JARID2: variants seen among roughly 807,000 people sequenced by gnomAD.
The protein encoded by JARID2 is jumonji and AT-rich interaction domain containing 2.
Under a neutral mutation model 125.6 loss-of-function variants are expected in JARID2, and 21 were observed. The ratio of observed to expected loss-of-function variants is 0.17; its 90% CI spans 0.12 to 0.24. The LOEUF is 0.24. JARID2 is among the 10% of genes least tolerant of loss of function. The pLI, the probability that JARID2 is intolerant of heterozygous loss-of-function variation, is 1.00. For missense variants in JARID2, 1,303 were observed against 1,639.6 expected (o/e 0.79, Z 3.55); for synonymous variants, 736 against 661.6 (o/e 1.11, Z -1.73).
At chr6:15,313,322 T>C (rs186551271) in intron 1 of JARID2, among the ~76,000 whole-genome samples, 1 of 152,268 alleles carries the variant, frequency 6.6e-6, no homozygotes, top group East Asian at 1.9e-4. Context: ...TTTTTAGTTG[T>C]ATGAAGAAAG....
At chr6:15,262,211 T>G (rs1270745165) in intron 1 of JARID2, among the ~76,000 whole-genome samples, 1 of 151,916 alleles carries the variant, frequency 6.6e-6, no homozygotes, top group Non-Finnish European at 1.5e-5. Flanking sequence ...GAGGTGGGGT[T>G]TCGCTGTGTT....
chr6:15,472,943 G>A (rs1472771702), intron 5 of JARID2, among the ~76,000 whole-genome samples: 1 of 152,190 alleles, frequency 6.6e-6, no homozygotes, highest in Non-Finnish European at 1.5e-5. Flanking sequence ...TCTTAACCTG[G>A]TCAGAAAAAT....
chr6:15,466,001 A>G (rs1182096255), intron 4 of JARID2, among the ~76,000 whole-genome samples: 1 of 151,950 alleles, frequency 6.6e-6, no homozygotes, highest in Non-Finnish European at 1.5e-5. Flanking sequence ...ACGGGGTTTC[A>G]CCATATTGGC....
chr6:15,496,042 C>G, intron 6 of JARID2, 90 bp from the exon 7 acceptor site: 1 of 1,056,792 alleles, frequency 9.5e-7, no homozygotes, highest in Non-Finnish European at 1.4e-6. Flanking sequence ...TCCCCAGCAT[C>G]CAGGGTCCTT....
At chr6:15,456,287 C>G (rs567638170) in intron 4 of JARID2, among the ~76,000 whole-genome samples, 1 of 152,254 alleles carries the variant, frequency 6.6e-6, no homozygotes, top group East Asian at 1.9e-4. Flanking sequence ...AAGTAAGTAC[C>G]TGGCTTTGAA....
In JARID2 at chr6:15,468,549, T is replaced by C. The variant is rs1193480922; in HGVS notation, c.501T>C (p.Pro167=). The change falls in exon 5 of 18, where the codon CCT becomes CCC. Residue 167 remains proline (P), a synonymous_variant. Coordinates refer to ENST00000341776, the MANE Select transcript of JARID2 (RefSeq NM_004973.4). ...FLTFLCLRGS[P]ALPNSMVYFG... ...TTTTTCTTATTCCACCAGGTTCTCC[T>C]GCGCTGCCCAACAGCATGGTGTATT... The C allele has an allele frequency of 1.2e-6, 2 of 1,612,964 alleles. No homozygotes were observed. The highest frequency in any genetic ancestry group is 1.7e-6 in the Non-Finnish European group (2 of 1,179,522).
intron 3 of JARID2, among the ~76,000 whole-genome samples, chr6:15,451,205 A>G (rs1767906275): frequency 6.6e-6 from 1 of 152,224 alleles, no homozygotes. Context: ...GTTTTGATAG[A>G]AAGGAATTTC....
chr6:15,456,494 T>C (rs538654460), intron 4 of JARID2, among the ~76,000 whole-genome samples: 8 of 152,362 alleles, frequency 5.3e-5, no homozygotes, highest in African/African-American at 1.9e-4. Flanking sequence ...TATTTGTTTT[T>C]CTGTTCGTAT....
At chr6:15,424,149 T>A (rs921922122) in intron 3 of JARID2, among the ~76,000 whole-genome samples, 2 of 151,112 alleles carry the variant, frequency 1.3e-5, no homozygotes, top group Admixed American at 6.6e-5. Context: ...TTTTTTTTTT[T>A]AAGAGATGGG....
At chr6:15,493,731 T>C (rs1005820588) in intron 6 of JARID2, among the ~76,000 whole-genome samples, 1 of 152,134 alleles carries the variant, frequency 6.6e-6, no homozygotes. Context: ...CTGTTTGCTT[T>C]TGTTTTTCTA....
intron 5 of JARID2, among the ~76,000 whole-genome samples, chr6:15,478,195 T>C (rs191336818): frequency 6.6e-6 from 1 of 152,344 alleles, no homozygotes; most frequent in East Asian, 1.9e-4. Flanking sequence ...GAAGATGGTG[T>C]ATCTGGTGGT....
rs1050165029 is a variant in JARID2 at position 15,521,680 on chromosome 6, C to A, written c.*1429C>A. On this transcript the variant is annotated 3_prime_UTR_variant, in exon 18 of 18. Transcript: ENST00000341776. The stretch of plus-strand genomic sequence containing the variant: ...TTGGATTCATCAATCCCGTAGCTAC[C>A]CATATTGCACTGAGCTTGCCAGTGG... The A allele has an allele frequency of 6.6e-6, 1 of 152,226 alleles. No homozygotes were observed. Among genetic ancestry groups the A allele is most frequent in the Non-Finnish European group, 1.5e-5 (1 of 68,026 alleles). The allele number at this position is 152,226 out of a possible 1,614,324, so 9.4% of individuals were successfully genotyped here.
chr6:15,421,435 G>A (rs962109516), intron 3 of JARID2, among the ~76,000 whole-genome samples: 1 of 150,638 alleles, frequency 6.6e-6, no homozygotes, highest in African/African-American at 2.4e-5. Context: ...GGTGAACAGC[G>A]TAAGTAAGCC....
At chr6:15,415,006 G>C (rs1345123801) in intron 3 of JARID2, among the ~76,000 whole-genome samples, 1 of 152,034 alleles carries the variant, frequency 6.6e-6, no homozygotes, top group Admixed American at 6.6e-5. Flanking sequence ...ATTAGGGAGT[G>C]GTGATGACTC....
chr6:15,455,327 C>T (rs769505817), intron 4 of JARID2, among the ~76,000 whole-genome samples: 1 of 151,524 alleles, frequency 6.6e-6, no homozygotes, highest in African/African-American at 2.4e-5. Flanking sequence ...TTTTGTGATA[C>T]ATGTAAGTGA....
At chr6:15,454,700 T>G (rs1768076798) in intron 4 of JARID2, among the ~76,000 whole-genome samples, 1 of 151,906 alleles carries the variant, frequency 6.6e-6, no homozygotes, top group East Asian at 1.9e-4. Context: ...AGGCTGGTCT[T>G]GAAGTCCTGG....
At chr6:15,270,141 C>G (rs1047583552) in intron 1 of JARID2, among the ~76,000 whole-genome samples, 2 of 152,100 alleles carry the variant, frequency 1.3e-5, no homozygotes, top group Non-Finnish European at 2.9e-5. Flanking sequence ...TCCGTCCGTC[C>G]TTCCGTCTTT....
intron 1 of JARID2, among the ~76,000 whole-genome samples, chr6:15,355,694 C>T (rs944157243): frequency 5.3e-5 from 8 of 152,136 alleles, no homozygotes; most frequent in African/African-American, 2.4e-5. Context: ...TCACTGCAAC[C>T]TCTGCCTCCT....
intron 1 of JARID2, among the ~76,000 whole-genome samples, chr6:15,372,769 G>T (rs1764220830): frequency 6.6e-6 from 1 of 151,750 alleles, no homozygotes; most frequent in Non-Finnish European, 1.5e-5. Context: ...GAGTGAAGTG[G>T]CACGATCTCA....
Sources: gnomAD v4.1 joint callset for allele counts (sites outside exome capture counted in the v4.1 genomes callset) on GRCh38, gnomAD v4.1.1 for gene constraint, MANE v1.5 for transcripts, NCBI Gene and HGNC (gene_info 2026-07-23, HGNC 2026-07-21) for gene names.